The following ANKS1B variants were observed in gnomAD, a reference collection of about 807,000 sequenced individuals.
ANKS1B encodes ankyrin repeat and sterile alpha motif domain-containing protein 1B.
Under a neutral mutation model 148.3 loss-of-function variants are expected in ANKS1B, and 36 were observed. The ratio of observed to expected loss-of-function variants is 0.24; its 90% confidence interval spans 0.19 to 0.32. The LOEUF (loss-of-function observed/expected upper bound fraction) is 0.32, where lower values mean the gene tolerates loss of function less well. ANKS1B is among the 10% of genes least tolerant of loss of function. The pLI, the probability that ANKS1B is intolerant of heterozygous loss-of-function variation, is 1.00. For missense variants in ANKS1B, 1,157 were observed against 1,542.6 expected (o/e 0.75, Z 4.19); for synonymous variants, 542 against 560.8 (o/e 0.97, Z 0.47).
At chr12:99,012,312 G>A (rs1235324658) in intron 17 of ANKS1B, among the ~76,000 whole-genome samples, 1 of 152,214 alleles carries the variant, frequency 6.6e-6, no homozygotes, top group Non-Finnish European at 1.5e-5. Flanking sequence ...AAACAGTCAA[G>A]GCAGATTGAA....
intron 1 of ANKS1B, among the ~76,000 whole-genome samples, chr12:99,833,427 T>TAG (rs141147485): frequency 1.3e-5 from 2 of 151,696 alleles, no homozygotes; most frequent in Non-Finnish European, 1.5e-5. Context: ...GATATAGTGG[T>TAG]AGAGAGAGAG....
intron 1 of ANKS1B, among the ~76,000 whole-genome samples, chr12:99,922,887 C>A (rs1177622388): frequency 6.6e-6 from 1 of 151,962 alleles, no homozygotes; most frequent in Non-Finnish European, 1.5e-5. Flanking sequence ...AGCATGAAGG[C>A]CCTCACCAGA....
chr12:99,034,138 CCT>C (rs1383766736), intron 17 of ANKS1B, among the ~76,000 whole-genome samples: 2 of 152,112 alleles, frequency 1.3e-5, no homozygotes, highest in African/African-American at 2.4e-5. Context: ...CATAGACACC[CCT>C]GTCACAAATA....
At position 98,801,151 on chromosome 12, in the gene ANKS1B, C is replaced by T; in HGVS notation, c.3142-26G>A. ...CTGAAAATGACATTTATTCTAGAGGCAATATGAGCAGTCAGCAAAGTTCAT... is the reference window on the plus strand; with the variant it reads ...CTGAAAATGACATTTATTCTAGAGGTAATATGAGCAGTCAGCAAAGTTCAT... On this transcript the variant is annotated intron_variant, in intron 20 of 26. Transcript: ENST00000683438. The surrounding 1 kb of genome is among the most constrained non-coding windows in gnomAD (Gnocchi z 5.2). 6.2e-7 allele frequency: 1 copy of T among 1,608,510 alleles called. No individual in the cohort carries two copies. Among genetic ancestry groups the T allele is most frequent in the Non-Finnish European group, 8.5e-7 (1 of 1,177,150 alleles).
At chr12:99,349,251 C>G (rs2091116671) in intron 12 of ANKS1B, among the ~76,000 whole-genome samples, 1 of 151,706 alleles carries the variant, frequency 6.6e-6, no homozygotes. Context: ...AAAAATGTAA[C>G]TAATATGAAA....
intron 14 of ANKS1B, among the ~76,000 whole-genome samples, chr12:99,171,715 T>C (rs1371772906): frequency 6.6e-6 from 1 of 152,192 alleles, no homozygotes; most frequent in East Asian, 1.9e-4. Context: ...AAATTATATA[T>C]ATAGGCCATA....
intron 14 of ANKS1B, among the ~76,000 whole-genome samples, chr12:99,156,121 C>T (rs141630028): frequency 6.6e-6 from 1 of 152,258 alleles, no homozygotes; most frequent in Non-Finnish European, 1.5e-5. Flanking sequence ...TTTTTAAGGG[C>T]ATTGTCAACT....
chr12:99,805,429 G>A (rs905211083), intron 4 of ANKS1B, among the ~76,000 whole-genome samples: 1 of 151,894 alleles, frequency 6.6e-6, no homozygotes, highest in Admixed American at 6.6e-5. Context: ...TTCAAGACTA[G>A]CCTGAGCAAC....
At chr12:99,575,719 G>A (rs1453822356) in intron 9 of ANKS1B, among the ~76,000 whole-genome samples, 1 of 151,942 alleles carries the variant, frequency 6.6e-6, no homozygotes, top group Non-Finnish European at 1.5e-5. Context: ...ACAACACATG[G>A]GAATTATGGG....
At chr12:99,317,017 C>A (rs1018139519) in intron 12 of ANKS1B, among the ~76,000 whole-genome samples, 6 of 152,040 alleles carry the variant, frequency 3.9e-5, no homozygotes, top group Non-Finnish European at 7.4e-5. Context: ...CTGCTCTGTT[C>A]CATTGGTCTG....
At chr12:99,550,476 T>G (rs1487367725) in intron 9 of ANKS1B, among the ~76,000 whole-genome samples, 1 of 151,898 alleles carries the variant, frequency 6.6e-6, no homozygotes, top group African/African-American at 2.4e-5. Flanking sequence ...ATATACAAGT[T>G]AGCTGGGCAT....
chr12:98,889,574 G>A (rs535253942), intron 17 of ANKS1B, among the ~76,000 whole-genome samples: 13 of 152,204 alleles, frequency 8.5e-5, no homozygotes, highest in Admixed American at 1.3e-4. Context: ...TTCAAACTCC[G>A]GGGCTCAAGT....
intron 4 of ANKS1B, among the ~76,000 whole-genome samples, chr12:99,803,711 T>C (rs919684739): frequency 6.6e-6 from 1 of 152,220 alleles, no homozygotes; most frequent in African/African-American, 2.4e-5. Flanking sequence ...TCAAATTCAA[T>C]ATTTTAAAAT....
chr12:99,221,606 T>C (rs1241243437), intron 14 of ANKS1B, among the ~76,000 whole-genome samples: 1 of 152,162 alleles, frequency 6.6e-6, no homozygotes, highest in Non-Finnish European at 1.5e-5. Flanking sequence ...CTCAATTTTA[T>C]TCATAATACA....
intron 16 of ANKS1B, among the ~76,000 whole-genome samples, chr12:99,084,624 A>G (rs1046028625): frequency 6.6e-6 from 1 of 152,194 alleles, no homozygotes; most frequent in Non-Finnish European, 1.5e-5. Flanking sequence ...AAGATGAAGC[A>G]GGAGAATTGC....
chr12:99,805,963 T>G (rs1049614658), intron 4 of ANKS1B, among the ~76,000 whole-genome samples: 1 of 152,224 alleles, frequency 6.6e-6, no homozygotes, highest in Admixed American at 6.5e-5. Flanking sequence ...AACTGAAATT[T>G]AATAGTTCTC....
intron 1 of ANKS1B, among the ~76,000 whole-genome samples, chr12:99,834,246 T>C (rs2084470489): frequency 6.6e-6 from 1 of 152,214 alleles, no homozygotes; most frequent in African/African-American, 2.4e-5. Context: ...TGCAAGAGTT[T>C]CTAGACACAT....
chr12:99,136,484 A>C (rs953986862), intron 15 of ANKS1B, among the ~76,000 whole-genome samples: 10 of 152,202 alleles, frequency 6.6e-5, no homozygotes, highest in Non-Finnish European at 1.0e-4. Context: ...CACACACAAA[A>C]AAATTATATT....
intron 12 of ANKS1B, among the ~76,000 whole-genome samples, chr12:99,372,151 T>C (rs1033023150): frequency 6.6e-6 from 1 of 152,114 alleles, no homozygotes; most frequent in Non-Finnish European, 1.5e-5. Flanking sequence ...GGTGTGTTAA[T>C]GTAGGTTCAT....
Sources: gnomAD v4.1 joint callset for allele counts (sites outside exome capture counted in the v4.1 genomes callset) on GRCh38, gnomAD v4.1.1 for gene constraint, Gnocchi (gnomAD v3.1) non-coding constraint, MANE v1.5 for transcripts, NCBI Gene and HGNC (gene_info 2026-07-23, HGNC 2026-07-21) for gene names.